Variants in FARP2 observed in about 807,000 individuals in gnomAD.
FARP2 encodes the protein FERM, ARHGEF and pleckstrin domain-containing protein 2.
In FARP2, 111 loss-of-function variants were observed where a neutral mutation model predicts 130.5. The observed-to-expected ratio is 0.85, with a 90% CI of 0.73 to 1.00. The LOEUF is 1.00. Ranked by LOEUF, FARP2 falls within the 50% of genes least tolerant of loss-of-function variation. FARP2 has a pLI of 0.00. For synonymous variants in FARP2, 504 were observed against 516.9 expected (o/e 0.98, Z 0.34); for missense variants, 1,385 against 1,346.3 (o/e 1.03, Z -0.45).
intron 2 of FARP2, among the ~76,000 whole-genome samples, chr2:241,383,225 C>T (rs10197237): frequency 0.19 from 29,034 of 152,222 alleles, 3,122 homozygotes; most frequent in Middle Eastern, 0.35. Flanking sequence ...TGCCTCCTTG[C>T]GCTTGTTCGG....
intron 8 of FARP2, among the ~76,000 whole-genome samples, chr2:241,425,226 A>T (rs889919868): frequency 1.3e-5 from 2 of 152,086 alleles, no homozygotes; most frequent in African/African-American, 4.8e-5. Flanking sequence ...AACAAAAAAA[A>T]CCCTGGAAGA....
At chr2:241,373,406 T>G (rs2061465769) in intron 2 of FARP2, 116 bp downstream of exon 2, 1 of 568,032 alleles carries the variant, frequency 1.8e-6, no homozygotes, top group African/African-American at 1.9e-5. Context: ...AGAGTAGCTT[T>G]GGTAACACAT....
intron 8 of FARP2, among the ~76,000 whole-genome samples, chr2:241,423,298 G>A (rs2062856154): frequency 6.6e-6 from 1 of 152,132 alleles, no homozygotes; most frequent in African/African-American, 2.4e-5. Context: ...AAGAGATTGG[G>A]GGCCAATATT....
At chr2:241,453,770 T>G (rs1329186801) in intron 13 of FARP2, among the ~76,000 whole-genome samples, 1 of 11,756 alleles carries the variant, frequency 8.5e-5, no homozygotes, top group Non-Finnish European at 1.8e-4. Context: ...CACTTACTGG[T>G]TTTTTTTTTT....
chr2:241,448,916 C>T (rs1223228282), intron 13 of FARP2, among the ~76,000 whole-genome samples: 1 of 152,242 alleles, frequency 6.6e-6, no homozygotes, highest in African/African-American at 2.4e-5. Flanking sequence ...CACGTCCTGT[C>T]CTGTGGGCAG....
intron 2 of FARP2, among the ~76,000 whole-genome samples, chr2:241,396,826 A>G (rs1263136259): frequency 1.3e-5 from 2 of 152,156 alleles, no homozygotes; most frequent in Non-Finnish European, 2.9e-5. Flanking sequence ...CAGCCATCCC[A>G]TTACTGGGTA....
At chr2:241,429,601 GTTGTTTTTGA>G (rs757185623) in intron 8 of FARP2, among the ~76,000 whole-genome samples, 3 of 152,048 alleles carry the variant, frequency 2.0e-5, no homozygotes, top group Non-Finnish European at 2.9e-5. Context: ...TGTATACAAA[GTTGTTTTTGA>G]CTAGGTAGTG....
At chr2:241,432,045 C>T (rs529411351) in intron 9 of FARP2, among the ~76,000 whole-genome samples, 17 of 152,146 alleles carry the variant, frequency 1.1e-4, no homozygotes, top group Non-Finnish European at 2.1e-4. Context: ...GTCTCGAACT[C>T]CTGACCTTAG....
At chr2:241,468,433 G>A in intron 18 of FARP2, 56 bp downstream of exon 18, 5 of 1,422,040 alleles carry the variant, frequency 3.5e-6, no homozygotes, top group South Asian at 1.2e-5. Context: ...CTGGGAGGCA[G>A]GGGCGGCTTT....
At chr2:241,472,101 G>A (rs79342779) in intron 18 of FARP2, among the ~76,000 whole-genome samples, 4,877 of 149,258 alleles carry the variant, frequency 0.033, 477 homozygotes, top group Admixed American at 0.19. Context: ...GTTCTGTTCT[G>A]TGGAGACCCT....
intron 6 of FARP2, 60 bp from the exon 7 acceptor site, chr2:241,413,247 A>T (rs1464560981): frequency 2.0e-6 from 2 of 999,602 alleles, no homozygotes; most frequent in Admixed American, 2.1e-5. Context: ...GTATGCAATG[A>T]CACATACAAA....
At chr2:241,464,975 C>A (rs923153812) in intron 17 of FARP2, among the ~76,000 whole-genome samples, 2 of 152,144 alleles carry the variant, frequency 1.3e-5, no homozygotes. Flanking sequence ...CCCCTGAAAA[C>A]AGCATACCCC....
chr2:241,394,256 C>T (rs1289838647), intron 2 of FARP2, among the ~76,000 whole-genome samples: 1 of 152,132 alleles, frequency 6.6e-6, no homozygotes, highest in Non-Finnish European at 1.5e-5. Context: ...CTTTGGCTCA[C>T]GCCTGTAATC....
chr2:241,388,680 T>A (rs998193808), intron 2 of FARP2, among the ~76,000 whole-genome samples: 1 of 152,114 alleles, frequency 6.6e-6, no homozygotes, highest in African/African-American at 2.4e-5. Flanking sequence ...CAAAAAAAAT[T>A]AGCCAGGTGT....
chr2:241,414,525 A>G (rs116292290), intron 7 of FARP2, among the ~76,000 whole-genome samples: 2,070 of 152,280 alleles, frequency 0.014, 23 homozygotes, highest in Middle Eastern at 0.024. Context: ...CCAGCTATGC[A>G]TCCACCACTG....
intron 1 of FARP2, among the ~76,000 whole-genome samples, chr2:241,368,805 G>C (rs529538056): frequency 6.6e-6 from 1 of 152,070 alleles, no homozygotes. Flanking sequence ...CATAAGCTTA[G>C]TAATAAACTT....
At chr2:241,398,872 C>G (rs1336967262) in intron 2 of FARP2, among the ~76,000 whole-genome samples, 1 of 152,140 alleles carries the variant, frequency 6.6e-6, no homozygotes, top group Non-Finnish European at 1.5e-5. Context: ...TCCAACCAGA[C>G]ATTCTTGAAT....
intron 17 of FARP2, chr2:241,465,859 T>A (rs1214384904): frequency 1.3e-6 from 2 of 1,506,792 alleles, no homozygotes; most frequent in Non-Finnish European, 1.8e-6. Context: ...GGACTATAGG[T>A]TTTGCTGTTC....
intron 1 of FARP2, among the ~76,000 whole-genome samples, chr2:241,368,227 T>G (rs990076617): frequency 3.3e-5 from 5 of 152,166 alleles, no homozygotes. Flanking sequence ...GAAATGTTTT[T>G]AGGAATGAAG....
Sources: allele counts gnomAD v4.1 joint callset (sites outside exome capture counted in the v4.1 genomes callset), GRCh38; gene constraint gnomAD v4.1.1; transcripts MANE v1.5; gene names NCBI Gene and HGNC (gene_info 2026-07-23, HGNC 2026-07-21).